The following CALML4 variants were observed in gnomAD, a reference collection of about 807,000 sequenced individuals.
CALML4 encodes the protein calmodulin like 4.
A neutral mutation model predicts 17.9 loss-of-function variants in CALML4; 16 were observed. That is an observed-to-expected ratio of 0.89 (90% CI 0.61 to 1.36). The LOEUF is 1.36. CALML4 is among the 40% of genes most tolerant of loss of function. The probability of loss-of-function intolerance (pLI) is 0.00; values close to 1 mark genes in which losing one functional copy is unlikely to be tolerated. For missense variants in CALML4, 203 were observed against 194.8 expected (o/e 1.04, Z -0.25); for synonymous variants, 86 against 71.5 (o/e 1.20, Z -1.02).
Position 68,197,570 on chromosome 15 carries a change from T to C in CALML4, c.234A>G (p.Lys78=). Residue 78 remains lysine, a synonymous_variant, in exon 4 of 5, where the codon AAA becomes AAG. Coordinates refer to ENST00000467889, the MANE Select transcript of CALML4 (RefSeq NM_033429.3). The surrounding 1 kb of genome is among the most constrained non-coding windows in gnomAD (Gnocchi z 4.1). ...TFLTIMHMQI[K]QEDPKKEILL... ...GAATTTCTTTCTTTGGGTCTTCTTG[T>C]TTTATTTGCATGTGCATAATGGTCA... The C allele has an allele frequency of 1.2e-6, 2 of 1,614,154 alleles. No homozygotes were observed. Among genetic ancestry groups the C allele is most frequent in the Non-Finnish European group, 1.7e-6 (2 of 1,179,986 alleles).
At chr15:68,196,338 G>A (rs1301022535) in intron 4 of CALML4, among the ~76,000 whole-genome samples, 1 of 152,208 alleles carries the variant, frequency 6.6e-6, no homozygotes, top group Non-Finnish European at 1.5e-5. Flanking sequence ...AGAGGGACCT[G>A]AGGGGTCACC....
intron 3 of CALML4, among the ~76,000 whole-genome samples, chr15:68,199,155 C>T (rs1004052716): frequency 6.6e-6 from 1 of 151,782 alleles, no homozygotes; most frequent in Non-Finnish European, 1.5e-5. Context: ...CAGAGCAAGA[C>T]TCTGTCCCCC....
At chr15:68,196,003 G>C (rs2093142799) in intron 4 of CALML4, among the ~76,000 whole-genome samples, 2 of 152,180 alleles carry the variant, frequency 1.3e-5, no homozygotes. Context: ...ACAGCCACGA[G>C]AGGTGAACCT....
Position 68,197,692 on chromosome 15 carries a change from C to A in CALML4, c.176-64G>T. 6.7e-7 allele frequency: 1 copy of A among 1,492,028 alleles called. No homozygotes were observed. The highest frequency in any genetic ancestry group is 9.2e-7 in the Non-Finnish European group (1 of 1,087,708). The allele number at this position is 1,492,028 out of a possible 1,614,324, so 92.4% of individuals were successfully genotyped here. A position where few individuals can be genotyped will look rare whatever the true frequency, so the allele number is the denominator to read the frequency against. On this transcript the variant is annotated intron_variant, in intron 3 of 4. Coordinates refer to ENST00000467889, the MANE Select transcript of CALML4 (RefSeq NM_033429.3). The surrounding 1 kb of genome is among the most constrained non-coding windows in gnomAD (Gnocchi z 4.1). The stretch of plus-strand genomic sequence containing the variant: ...AAAAGACTCCTAGGAAGCCAGCTGG[C>A]CTCCTGCTGGACCTGCACAGCCGGT...
chr15:68,205,415 T>C (rs776673116), upstream of CALML4: 28 of 1,612,070 alleles, frequency 1.7e-5, no homozygotes, highest in South Asian at 3.1e-4. The surrounding 1 kb of genome is among the most constrained non-coding windows in gnomAD (Gnocchi z 4.8). Context: ...AGATTCCAGC[T>C]TCCTGAGCAC....
chr15:68,193,955 TA>T lies in CALML4; in HGVS notation c.*59del, dbSNP rs370301216. ...TCTCCCAAGTGAAAAGAACACTTTT[TA>T]AAAAAAATTAATTGCTCCAAGTTTT... On this transcript the variant is annotated 3_prime_UTR_variant, in exon 5 of 5. Coordinates refer to ENST00000467889, the MANE Select transcript of CALML4 (RefSeq NM_033429.3). The T allele has an allele frequency of 3.2e-5, 41 of 1,283,582 alleles. No individual in the cohort carries two copies. The African/African-American group carries it at 3.4e-4, about 11-fold the overall frequency. The allele number at this position is 1,283,582 out of a possible 1,614,324, so 79.5% of individuals were successfully genotyped here. A position where few individuals can be genotyped will look rare whatever the true frequency, so the allele number is the denominator to read the frequency against.
At chr15:68,199,799 CCT>C (rs1173522074) in intron 2 of CALML4, 118 bp from the exon 3 acceptor site, 50 of 1,098,212 alleles carry the variant, frequency 4.6e-5, no homozygotes, top group Non-Finnish European at 6.2e-5. Flanking sequence ...TCCCTCCATC[CCT>C]CTCTCCCCTC....
intron 3 of CALML4, 55 bp downstream of exon 3, chr15:68,199,486 C>G: frequency 6.4e-7 from 1 of 1,565,710 alleles, no homozygotes; most frequent in South Asian, 1.2e-5. Context: ...CCTCTACTGT[C>G]TGCACCCACC....
chr15:68,201,924 G>T (rs1003170387), intron 2 of CALML4, among the ~76,000 whole-genome samples: 3 of 152,128 alleles, frequency 2.0e-5, no homozygotes, highest in South Asian at 4.2e-4. Flanking sequence ...CTGACAGGTC[G>T]GCCCTCTAAC....
Position 68,205,326 on chromosome 15 carries a change from A to G in CALML4, c.-79T>C, listed in dbSNP as rs566062866. On this transcript the variant is annotated 5_prime_UTR_variant, in exon 1 of 5. Coordinates refer to ENST00000467889, the MANE Select transcript of CALML4 (RefSeq NM_033429.3). The surrounding 1 kb of genome is among the most constrained non-coding windows in gnomAD (Gnocchi z 4.8). The stretch of plus-strand genomic sequence containing the variant: ...TTCCCTTTCCTCCAGCCTCAAGTCT[A>G]AAGTCTGCCAAGCTGGGTGGAGGCC... 2.5e-6 allele frequency: 4 copies of G among 1,614,068 alleles called. No individual in the cohort carries two copies. Among genetic ancestry groups the G allele is most frequent in the African/African-American group, 2.7e-5 (2 of 75,034 alleles).
In CALML4 at chr15:68,192,376, G is replaced by C. The variant is rs1364468083; in HGVS notation, c.*1639C>G. On this transcript the variant is annotated 3_prime_UTR_variant, in exon 5 of 5. Transcript: ENST00000467889. Reference sequence around the variant, plus strand: ...GCAGCCCCAGAAATTCTGCATTTCTGTTTTTGTATTCTTAAGGCAGCCAAA... The same window carrying C: ...GCAGCCCCAGAAATTCTGCATTTCTCTTTTTGTATTCTTAAGGCAGCCAAA... The C allele has an allele frequency of 6.6e-6, 1 of 152,186 alleles. No homozygotes were observed. Among genetic ancestry groups the C allele is most frequent in the Non-Finnish European group, 1.5e-5 (1 of 68,064 alleles). The allele number at this position is 152,186 out of a possible 1,614,324, so 9.4% of individuals were successfully genotyped here. A position where few individuals can be genotyped will look rare whatever the true frequency, so the allele number is the denominator to read the frequency against.
intron 4 of CALML4, among the ~76,000 whole-genome samples, chr15:68,195,557 C>T (rs909131310): frequency 6.6e-6 from 1 of 152,262 alleles, no homozygotes; most frequent in Admixed American, 6.5e-5. Flanking sequence ...CTGAGTAGAA[C>T]AGCCTTTCAC....
upstream of CALML4, chr15:68,206,108 C>G (rs1184197242): frequency 6.6e-6 from 1 of 152,356 alleles, no homozygotes; most frequent in Non-Finnish European, 1.5e-5. Context: ...CACCCTCAGC[C>G]CCACCCCTTC....
rs2093176134 is a variant in CALML4 at position 68,204,671 on chromosome 15, G to C, written c.34+450C>G. Among the ~76,000 whole-genome samples the C allele has an allele frequency of 6.6e-6, 1 of 152,152 alleles. No homozygotes were observed. The highest frequency in any genetic ancestry group is 6.5e-5 in the Admixed American group (1 of 15,268). On this transcript the variant is annotated intron_variant, in intron 2 of 4. Coordinates refer to ENST00000467889, the MANE Select transcript of CALML4 (RefSeq NM_033429.3). This position sits in a 1 kb window ranked among gnomAD's most constrained non-coding sequence, Gnocchi z 6.0. Reference sequence around the variant, plus strand: ...ATGCCAGGGCAAAGGGGGCTCAGTGGACCCTCCATTTTACAGATAGGGAGA... The same window carrying C: ...ATGCCAGGGCAAAGGGGGCTCAGTGCACCCTCCATTTTACAGATAGGGAGA...
chr15:68,202,141 C>T (rs1167398732), intron 2 of CALML4, among the ~76,000 whole-genome samples: 1 of 152,186 alleles, frequency 6.6e-6, no homozygotes, highest in Non-Finnish European at 1.5e-5. Flanking sequence ...GCAAATCCCC[C>T]AGGACAAGAA....
In CALML4 at chr15:68,197,809, C is replaced by G; in HGVS notation, c.176-181G>C. On this transcript the variant is annotated intron_variant, in intron 3 of 4. Coordinates refer to ENST00000467889, the MANE Select transcript of CALML4 (RefSeq NM_033429.3). The surrounding 1 kb of genome is among the most constrained non-coding windows in gnomAD (Gnocchi z 4.1). ...CCCACCGAGTTCCCACGACAGGCCC[C>G]TCACTGGACTGGACATTCTTCATTT... 1.7e-6 allele frequency: 1 copy of G among 589,794 alleles called. No homozygotes were observed. Among genetic ancestry groups the G allele is most frequent in the Non-Finnish European group, 3.0e-6 (1 of 332,058 alleles). 36.5% of individuals were successfully genotyped at this position (589,794 alleles called of 1,614,324 possible).
In CALML4 at chr15:68,197,294, C is replaced by T; in HGVS notation, c.364+146G>A. ...CCCCAGGCTCCAGTCCAGCACCCAC[C>T]TAGTGTGGCATCTGCTCACAGTCTC... is the stretch of plus-strand genomic sequence containing the variant. On this transcript the variant is annotated intron_variant, in intron 4 of 4. Transcript: ENST00000467889. This position sits in a 1 kb window ranked among gnomAD's most constrained non-coding sequence, Gnocchi z 4.1. 1.4e-6 allele frequency: 1 copy of T among 708,240 alleles called. No individual in the cohort carries two copies. The highest frequency in any genetic ancestry group is 2.3e-6 in the Non-Finnish European group (1 of 430,180). 43.9% of individuals were successfully genotyped at this position (708,240 alleles called of 1,614,324 possible). A position where few individuals can be genotyped will look rare whatever the true frequency, so the allele number is the denominator to read the frequency against.
chr15:68,205,333 G>A, upstream of CALML4: 1 of 1,614,068 alleles, frequency 6.2e-7, no homozygotes, highest in Middle Eastern at 1.6e-4. This position sits in a 1 kb window ranked among gnomAD's most constrained non-coding sequence, Gnocchi z 4.8. Context: ...TCTAAAGTCT[G>A]CCAAGCTGGG....
intron 2 of CALML4, among the ~76,000 whole-genome samples, chr15:68,201,249 G>A (rs1354617919): frequency 1.3e-5 from 2 of 152,224 alleles, no homozygotes; most frequent in African/African-American, 2.4e-5. Flanking sequence ...GCAAACCAAA[G>A]TCAGGACCAG....
Sources: gnomAD v4.1 joint callset for allele counts (sites outside exome capture counted in the v4.1 genomes callset) on GRCh38, gnomAD v4.1.1 for gene constraint, Gnocchi (gnomAD v3.1) non-coding constraint, MANE v1.5 for transcripts, NCBI Gene and HGNC (gene_info 2026-07-23, HGNC 2026-07-21) for gene names.